Variants in SPTLC2 observed in about 807,000 individuals in gnomAD.
The protein encoded by SPTLC2 is serine palmitoyltransferase long chain base subunit 2.
Under a neutral mutation model 62.0 loss-of-function variants are expected in SPTLC2, and 21 were observed. The ratio of observed to expected loss-of-function variants is 0.34; its 90% CI spans 0.24 to 0.49. SPTLC2 has a LOEUF of 0.49. Ranked by LOEUF, SPTLC2 falls within the 20% of genes least tolerant of loss-of-function variation. SPTLC2 has a pLI of 0.99. For synonymous variants in SPTLC2, 261 were observed against 261.8 expected, an observed-to-expected ratio of 1.00 and a Z score of 0.03; for missense variants, 511 against 713.0, an observed-to-expected ratio of 0.72 and a Z score of 3.23.
At chr14:77,568,380 G>A (rs1369186813) in intron 5 of SPTLC2, among the ~76,000 whole-genome samples, 1 of 152,102 alleles carries the variant, frequency 6.6e-6, no homozygotes, top group Non-Finnish European at 1.5e-5. Flanking sequence ...CTAGAATATG[G>A]TCTTTGGTAG....
At position 77,511,320 on chromosome 14, in the gene SPTLC2, C is replaced by G. The variant is rs1392661465; in HGVS notation, c.*964G>C. The G allele has an allele frequency of 3.3e-5, 5 of 152,186 alleles. No homozygotes were observed. The highest frequency in any genetic ancestry group is 7.3e-5 in the Non-Finnish European group (5 of 68,030). 9.4% of individuals were successfully genotyped at this position (152,186 alleles called of 1,614,324 possible). On this transcript the variant is annotated 3_prime_UTR_variant, in exon 12 of 12. Coordinates refer to ENST00000216484, the MANE Select transcript of SPTLC2 (RefSeq NM_004863.4). ...ATCTGGACCCAGACCTAGCCAGAGA[C>G]TGTCATAATTTTCAAACGTAGAAAG... is the stretch of plus-strand genomic sequence containing the variant.
chr14:77,589,768 C>T (rs1391498438), intron 2 of SPTLC2, among the ~76,000 whole-genome samples: 3 of 148,306 alleles, frequency 2.0e-5, no homozygotes, highest in African/African-American at 2.5e-5. Context: ...CCATCCTGGG[C>T]GACAGAGCGA....
chr14:77,614,447 G>A lies in SPTLC2; in HGVS notation c.132+2001C>T, dbSNP rs374848401. Among the ~76,000 whole-genome samples, 955 of 151,376 alleles carry A rather than the reference G, an allele frequency of 6.3e-3. 10 individuals are homozygous for A. The highest frequency in any genetic ancestry group is 0.022 in the African/African-American group (903 of 41,214). On this transcript the variant is annotated intron_variant, in intron 1 of 11. Coordinates refer to ENST00000216484, the MANE Select transcript of SPTLC2 (RefSeq NM_004863.4). ...TGGGAGGCCGAGGCAGGCGGATCAC[G>A]AGGTCAGGAAATCAAGACCATCCTG...
intron 8 of SPTLC2, among the ~76,000 whole-genome samples, chr14:77,553,950 G>A (rs964409405): frequency 2.0e-5 from 3 of 150,842 alleles, no homozygotes; most frequent in Non-Finnish European, 4.4e-5. Context: ...CCATAGTTGG[G>A]ACTACAGGCA....
intron 11 of SPTLC2, among the ~76,000 whole-genome samples, chr14:77,513,666 T>C (rs985447915): frequency 2.0e-5 from 3 of 151,690 alleles, no homozygotes; most frequent in Non-Finnish European, 4.4e-5. Context: ...GAGGCTGAGA[T>C]GGGCAGATCA....
chr14:77,605,179 A>T (rs2079898894), intron 1 of SPTLC2, among the ~76,000 whole-genome samples: 1 of 150,484 alleles, frequency 6.6e-6, no homozygotes, highest in South Asian at 2.1e-4. Flanking sequence ...ATACCTGGTT[A>T]ATTTTTTTTT....
chr14:77,597,852 G>T (rs146197773), intron 1 of SPTLC2, among the ~76,000 whole-genome samples: 1 of 144,514 alleles, frequency 6.9e-6, no homozygotes, highest in Admixed American at 6.9e-5. Flanking sequence ...GGCCAGGCAC[G>T]GTGGCTCACG....
At chr14:77,540,205 C>CAAAAA in intron 9 of SPTLC2, among the ~76,000 whole-genome samples, 1 of 87,690 alleles carries the variant, frequency 1.1e-5, no homozygotes, top group African/African-American at 4.3e-5. Context: ...ACTCTTGTCT[C>CAAAAA]AAAAAAAAAA....
intron 2 of SPTLC2, among the ~76,000 whole-genome samples, chr14:77,588,755 C>G (rs1183451096): frequency 6.6e-6 from 1 of 150,724 alleles, no homozygotes; most frequent in South Asian, 2.1e-4. Context: ...AATCCCAGCA[C>G]TTTAGGAGGC....
chr14:77,572,712 T>C (rs750961496), intron 4 of SPTLC2, among the ~76,000 whole-genome samples: 2 of 152,258 alleles, frequency 1.3e-5, no homozygotes, highest in African/African-American at 2.4e-5. Flanking sequence ...CTAGATCTTC[T>C]GGATAACTTG....
At position 77,550,292 on chromosome 14, in the gene SPTLC2, C is replaced by A. The variant is rs560311598; in HGVS notation, c.1303+1804G>T. On this transcript the variant is annotated intron_variant, in intron 9 of 11. Transcript: ENST00000216484. The stretch of plus-strand genomic sequence containing the variant: ...TAAAATTCTGATTTAAGAAAACAGT[C>A]GACTGGGCGCGGTGGCTTACGCCTG... Among the ~76,000 whole-genome samples the A allele has an allele frequency of 2.0e-5, 3 of 152,348 alleles. No homozygotes were observed. In the South Asian group the frequency reaches 6.2e-4, roughly 32 times the overall value.
At chr14:77,579,628 C>T (rs1013847468) in intron 2 of SPTLC2, among the ~76,000 whole-genome samples, 1 of 152,042 alleles carries the variant, frequency 6.6e-6, no homozygotes, top group Admixed American at 6.6e-5. Context: ...CACCTGTAGT[C>T]CCAGCTACTC....
chr14:77,589,297 T>C (rs1264905467), intron 2 of SPTLC2, among the ~76,000 whole-genome samples: 1 of 152,106 alleles, frequency 6.6e-6, no homozygotes, highest in East Asian at 1.9e-4. Context: ...GTTTCTATGC[T>C]GTCCATGAAA....
At chr14:77,543,438 A>G (rs1372289317) in intron 9 of SPTLC2, among the ~76,000 whole-genome samples, 3 of 152,242 alleles carry the variant, frequency 2.0e-5, no homozygotes, top group South Asian at 2.1e-4. Context: ...GAAGACAGCT[A>G]GCAAATAAAG....
intron 9 of SPTLC2, among the ~76,000 whole-genome samples, chr14:77,538,059 C>G (rs1423199731): frequency 6.6e-6 from 1 of 152,192 alleles, no homozygotes; most frequent in Non-Finnish European, 1.5e-5. Flanking sequence ...ACACATAACA[C>G]AAGGACACAG....
At chr14:77,534,212 A>G (rs988377495) in intron 9 of SPTLC2, among the ~76,000 whole-genome samples, 135 of 137,734 alleles carry the variant, frequency 9.8e-4, no homozygotes, top group Non-Finnish European at 1.5e-3. Context: ...ACACACACAC[A>G]CACACACAAA....
At position 77,591,765 on chromosome 14, in the gene SPTLC2, C is replaced by T. The variant is rs144632847; in HGVS notation, c.327+5421G>A. ...TTAGACGGAGTTTCTCTCTTGTTGCCCAGGCTGGAGTGCAATGGTGTGATC... is the reference window on the plus strand; with the variant it reads ...TTAGACGGAGTTTCTCTCTTGTTGCTCAGGCTGGAGTGCAATGGTGTGATC... On this transcript the variant is annotated intron_variant, in intron 2 of 11. Transcript: ENST00000216484. 5.3e-3 allele frequency among the ~76,000 whole-genome samples: 801 copies of T among 150,632 alleles called. 10 individuals are homozygous for T. Among genetic ancestry groups the T allele is most frequent in the African/African-American group, 0.018 (757 of 40,920 alleles).
In SPTLC2 at chr14:77,589,693, G is replaced by A. The variant is rs563867319; in HGVS notation, c.327+7493C>T. ...TAATCCCAGCTACTTGGGAGACTGA[G>A]GCAGAAGAATCGCTTAAGCCCGGGA... On this transcript the variant is annotated intron_variant, in intron 2 of 11. Coordinates refer to ENST00000216484, the MANE Select transcript of SPTLC2 (RefSeq NM_004863.4). Among the ~76,000 whole-genome samples, 50 of 152,110 alleles carry A rather than the reference G, an allele frequency of 3.3e-4. 1 individual carries two copies. Among genetic ancestry groups the A allele is most frequent in the Non-Finnish European group, 6.9e-4 (47 of 67,996 alleles).
Position 77,514,289 on chromosome 14 carries a change from T to C in SPTLC2, c.1570-1886A>G, listed in dbSNP as rs981748567. 2.6e-5 allele frequency among the ~76,000 whole-genome samples: 4 copies of C among 152,312 alleles called. No individual in the cohort carries two copies. The East Asian group carries it at 5.8e-4, about 22-fold the overall frequency. ...TTTCATCAATGTAGAAAAGTAATCA[T>C]TAGATAGAAAAAGAAATCCTCAGTA... On this transcript the variant is annotated intron_variant, in intron 11 of 11. Transcript: ENST00000216484.
Sources: gnomAD v4.1 joint callset for allele counts (sites outside exome capture counted in the v4.1 genomes callset) on GRCh38, gnomAD v4.1.1 for gene constraint, MANE v1.5 for transcripts, NCBI Gene and HGNC (gene_info 2026-07-23, HGNC 2026-07-21) for gene names.